Variants in NEB observed in about 807,000 individuals in gnomAD.
NEB encodes the protein nebulin, also known as nemaline myopathy type 2.
NEB carries 512 observed loss-of-function variants against 952.2 expected under a neutral mutation model. The ratio of observed to expected loss-of-function variants is 0.54; its 90% CI spans 0.50 to 0.58. The LOEUF is 0.58. Among genes scored for constraint, NEB ranks in the 20% least tolerant of loss-of-function variants. The pLI is 0.00. For synonymous variants in NEB, 2,900 were observed against 3,149.8 expected, an observed-to-expected ratio of 0.92 and a Z score of 2.66; for missense variants, 8,428 against 9,231.1, an observed-to-expected ratio of 0.91 and a Z score of 3.56.
intron 40 of NEB, among the ~76,000 whole-genome samples, chr2:151,667,441 T>C (rs2099233232): frequency 6.6e-6 from 1 of 152,166 alleles, no homozygotes; most frequent in Admixed American, 6.5e-5. Flanking sequence ...ATAAATAACG[T>C]AATTGGCAAT....
At position 151,672,636 on chromosome 2, in the gene NEB, C is replaced by A. The variant is rs373748794; in HGVS notation, c.4032G>T (p.Val1344=). Reference sequence around the variant, plus strand: ...GATCATCCTGGAGGCTTCTGAAACCCACATGCTTTCCCTTTGACTTCTCAT... The same window carrying A: ...GATCATCCTGGAGGCTTCTGAAACCAACATGCTTTCCCTTTGACTTCTCAT... The part of the protein sequence containing the change: ...EAYEKSKGKH[V]GFRSLQDDPK... Residue 1344 remains valine, a synonymous_variant, in exon 37 of 182, where the codon GTG becomes GTT. Transcript: ENST00000397345. The A allele has an allele frequency of 1.6e-5, 26 of 1,613,804 alleles. No individual in the cohort carries two copies. The African/African-American group carries it at 2.5e-4, about 16-fold the overall frequency.
At chr2:151,556,963 A>G (rs2153679686) in intron 124 of NEB, among the ~76,000 whole-genome samples, 1 of 152,344 alleles carries the variant, frequency 6.6e-6, no homozygotes, top group South Asian at 2.1e-4. Flanking sequence ...AGAACTAGAG[A>G]AGCAAGAGCA....
intron 124 of NEB, among the ~76,000 whole-genome samples, chr2:151,558,613 T>C (rs183546398): frequency 1.8e-4 from 27 of 152,186 alleles, no homozygotes; most frequent in Admixed American, 1.6e-3. Context: ...TATAGACCAA[T>C]GGAACAGAAC....
chr2:151,562,824 G>T lies in NEB; in HGVS notation c.18694-16C>A, dbSNP rs1312604846. 6.6e-7 allele frequency: 1 copy of T among 1,520,248 alleles called. No individual in the cohort carries two copies. The highest frequency in any genetic ancestry group is 1.2e-5 in the South Asian group (1 of 82,638). 94.2% of individuals were successfully genotyped at this position (1,520,248 alleles called of 1,614,324 possible). ...TGTAGTTCAACTAATATGTTTTAAA[G>T]ACAAAAATAAGAAAGGGGTTTAAAT... On this transcript the variant is annotated splice_polypyrimidine_tract_variant and intron_variant, in intron 119 of 181. Transcript: ENST00000397345.
At chr2:151,629,265 T>C (rs1252559588) in intron 68 of NEB, among the ~76,000 whole-genome samples, 2 of 152,206 alleles carry the variant, frequency 1.3e-5, no homozygotes, top group Non-Finnish European at 2.9e-5. Context: ...TTTCTCATAA[T>C]TGTAGATATG....
chr2:151,703,939 C>A (rs1298247752), intron 13 of NEB, among the ~76,000 whole-genome samples: 1 of 132,834 alleles, frequency 7.5e-6, no homozygotes, highest in African/African-American at 2.8e-5. Flanking sequence ...AGGCGCTCTG[C>A]GTTTTAGAGT....
rs774528398 is a variant in NEB, at chr2:151,659,124, T to C, written c.6016A>G (p.Ile2006Val). Reference sequence around the variant, plus strand: ...ATAATCTGGGGGATATCAGGCATGATGTGGACTTTGGTTTTGTCAGCCTCC... The same window carrying C: ...ATAATCTGGGGGATATCAGGCATGACGTGGACTTTGGTTTTGTCAGCCTCC... ...AWEADKTKVHIMPDIPQIILA... is the reference protein window; with the variant it reads ...AWEADKTKVHVMPDIPQIILA... Residue 2006 changes from isoleucine to valine, a missense_variant, in exon 47 of 182, where the codon ATC (isoleucine) becomes GTC (valine). This residue lies in a region of NEB where 2,851 missense variants were observed against 2,791.5 expected (regional missense o/e 1.02). Transcript: ENST00000397345. 5 of 1,613,062 alleles carry C rather than the reference T, an allele frequency of 3.1e-6. No individual in the cohort carries two copies.
chr2:151,658,039 T>C lies in NEB; in HGVS notation c.6127A>G (p.Arg2043Gly), dbSNP rs1321911647. The change falls in exon 48 of 182, where the codon AGA becomes GGA. Residue 2043 changes from arginine (R) to glycine (G), a missense_variant. Transcript: ENST00000397345. ...EESKKKGYDL[R>G]PDAIPIKAAK... ...GCTTTGATAGGAATTGCATCAGGTC[T>C]GAGATCATAGCCTTTCTTTTTAGAC... 6.2e-7 allele frequency: 1 copy of C among 1,611,300 alleles called. No homozygotes were observed. The highest frequency in any genetic ancestry group is 1.1e-5 in the South Asian group (1 of 90,584).
chr2:151,619,241 T>C (rs1369767868), intron 73 of NEB, among the ~76,000 whole-genome samples: 2 of 152,220 alleles, frequency 1.3e-5, no homozygotes, highest in East Asian at 1.9e-4. Flanking sequence ...TGTTTAGAAC[T>C]GATAATATTT....
intron 92 of NEB, among the ~76,000 whole-genome samples, chr2:151,595,034 T>C (rs146153331): frequency 0.13 from 4,515 of 34,090 alleles, 253 homozygotes; most frequent in Middle Eastern, 0.23. Context: ...TATGTTTGGA[T>C]AACATAGGCA....
At chr2:151,709,509 A>T in intron 12 of NEB, 147 bp downstream of exon 12, 1 of 565,814 alleles carries the variant, frequency 1.8e-6, no homozygotes, top group Admixed American at 3.4e-5. Context: ...ACTCTTTTTC[A>T]AATGCCTCAC....
chr2:151,730,579 A>G (rs2099804193), intron 3 of NEB, among the ~76,000 whole-genome samples: 1 of 150,808 alleles, frequency 6.6e-6, no homozygotes, highest in African/African-American at 2.4e-5. Context: ...CACATGAGGA[A>G]AGGGATAAAG....
chr2:151,628,948 A>C (rs2098598052), intron 68 of NEB, among the ~76,000 whole-genome samples: 1 of 152,216 alleles, frequency 6.6e-6, no homozygotes. Context: ...TTTCCACCAA[A>C]GAACCCACCT....
At position 151,551,863 on chromosome 2, in the gene NEB, AT is replaced by A. The variant is rs1290335215; in HGVS notation, c.19837-19del. ...TAGACAGCCTGGTGCAGAAAGAAGC[AT>A]TGTTAGAAGCAAAGAGAATGGGAAC... On this transcript the variant is annotated intron_variant, in intron 128 of 181. Coordinates refer to ENST00000397345, the MANE Select transcript of NEB (RefSeq NM_001164508.2). 1.9e-6 allele frequency: 3 copies of A among 1,575,890 alleles called. No homozygotes were observed. Among genetic ancestry groups the A allele is most frequent in the Non-Finnish European group, 2.6e-6 (3 of 1,151,192 alleles).
rs1465302436 is a variant in NEB, at chr2:151,687,473, A to C, written c.2583T>G (p.Ile861Met). 6.2e-7 allele frequency: 1 copy of C among 1,613,892 alleles called. No homozygotes were observed. The highest frequency in any genetic ancestry group is 1.3e-5 in the African/African-American group (1 of 74,938). Residue 861 changes from isoleucine (I) to methionine (M), a missense_variant, in exon 27 of 182, where the codon ATT becomes ATG. Physicochemically the swap from Ile to Met is conservative, Grantham distance 10 (BLOSUM62 1). Transcript: ENST00000397345. ...AGTGCAGCATCTTTGGATCGTCATTAATGCTGAGGGCTCCAATCATTTTCC... is the reference window on the plus strand; with the variant it reads ...AGTGCAGCATCTTTGGATCGTCATTCATGCTGAGGGCTCCAATCATTTTCC... The part of the protein sequence containing the change: ...SKGKMIGALS[I>M]NDDPKMLHSL...
intron 119 of NEB, among the ~76,000 whole-genome samples, chr2:151,563,009 ATC>A (rs2096170226): frequency 8.7e-6 from 1 of 115,462 alleles, no homozygotes; most frequent in South Asian, 2.7e-4. Context: ...GAAATTTCCC[ATC>A]TTTTTTTTTT....
chr2:151,554,090 G>A (rs2095489777), intron 125 of NEB, 65 bp from the exon 126 acceptor site: 2 of 1,500,412 alleles, frequency 1.3e-6, no homozygotes, highest in Non-Finnish European at 1.9e-6. Flanking sequence ...GGCCATACAT[G>A]AGAAGTCAGG....
chr2:151,538,261 C>G lies in NEB; in HGVS notation c.20893-17G>C. 1.3e-6 allele frequency: 2 copies of G among 1,560,456 alleles called. No individual in the cohort carries two copies. The highest frequency in any genetic ancestry group is 1.8e-6 in the Non-Finnish European group (2 of 1,132,566). ...GTAGCGTAGCTAGAAAGAGAAAAAACACATGAATTACAAAAAAACTACCAA... is the reference window on the plus strand; with the variant it reads ...GTAGCGTAGCTAGAAAGAGAAAAAAGACATGAATTACAAAAAAACTACCAA... On this transcript the variant is annotated splice_polypyrimidine_tract_variant and intron_variant, in intron 138 of 181. Coordinates refer to ENST00000397345, the MANE Select transcript of NEB (RefSeq NM_001164508.2).
rs1035343199 is a variant in NEB at position 151,514,920 on chromosome 2, A to G, written c.22914T>C (p.Tyr7638=). 1.9e-6 allele frequency: 3 copies of G among 1,559,632 alleles called. No individual in the cohort carries two copies. The highest frequency in any genetic ancestry group is 4.7e-5 in the East Asian group (2 of 42,926). The change falls in exon 158 of 182, where the codon TAT becomes TAC. Residue 7638 remains tyrosine, a synonymous_variant. Transcript: ENST00000397345. ...TAATGGACTCTTCATAATCTTTCCT[A>G]TATTCTTTCTAATGTAAGTAGGAAG... ...ESQQMQSGKE[Y]RKDYEESIKG...
Sources: gnomAD v4.1 joint callset for allele counts (sites outside exome capture counted in the v4.1 genomes callset) on GRCh38, gnomAD v4.1.1 for gene constraint, gnomAD v4.1.1 regional missense constraint, MANE v1.5 for transcripts, NCBI Gene and HGNC (gene_info 2026-07-23, HGNC 2026-07-21) for gene names.